The following LRRC51 variants were observed in gnomAD, a reference collection of about 807,000 sequenced individuals.
LRRC51 encodes leucine-rich repeat-containing protein 51.
Under a neutral mutation model 17.8 loss-of-function variants are expected in LRRC51, and 8 were observed. That is an observed-to-expected ratio of 0.45 (90% CI 0.26 to 0.81). The LOEUF (loss-of-function observed/expected upper bound fraction) is 0.81. LRRC51 is among the 30% of genes least tolerant of loss of function. LRRC51 has a pLI of 0.17. For missense variants in LRRC51, 233 were observed against 239.3 expected (o/e 0.97, Z 0.17); for synonymous variants, 92 against 96.0 (o/e 0.96, Z 0.24).
chr11:72,094,902 G>A, intron 4 of LRRC51, 46 bp from the exon 5 acceptor site: 4 of 1,614,140 alleles, frequency 2.5e-6, no homozygotes, highest in Non-Finnish European at 3.4e-6. Context: ...CAGAGATTCA[G>A]GGTCCTGTCC....
At chr11:72,085,497 T>C (rs1308444491) in intron 1 of LRRC51, 2 of 151,832 alleles carry the variant, frequency 1.3e-5, no homozygotes, top group Admixed American at 1.3e-4. Flanking sequence ...ACAAAGTTGG[T>C]TATAATGAAA....
chr11:72,083,829 G>A (rs959378791), intron 1 of LRRC51: 2 of 152,208 alleles, frequency 1.3e-5, no homozygotes, highest in African/African-American at 4.8e-5. Flanking sequence ...AGGCCCAGTG[G>A]CAGGTGCAGG....
At chr11:72,092,295 C>A (rs1944905433) in intron 3 of LRRC51, among the ~76,000 whole-genome samples, 1 of 152,224 alleles carries the variant, frequency 6.6e-6, no homozygotes, top group Admixed American at 6.5e-5. Flanking sequence ...AAAGCTAAGC[C>A]TGAACTCATC....
intron 3 of LRRC51, 55 bp downstream of exon 3, chr11:72,089,220 C>A (rs768388821): frequency 5.0e-6 from 8 of 1,612,498 alleles, no homozygotes; most frequent in South Asian, 1.1e-5. Context: ...CCAGTGTGGT[C>A]CCTAGGAAGA....
At chr11:72,088,108 A>C (rs1229576025) in intron 1 of LRRC51, among the ~76,000 whole-genome samples, 189 bp from the exon 2 acceptor site, 2 of 152,158 alleles carry the variant, frequency 1.3e-5, no homozygotes, top group Non-Finnish European at 2.9e-5. Flanking sequence ...TGTGTGATTC[A>C]CATACAAACC....
intron 4 of LRRC51, 108 bp downstream of exon 4, chr11:72,093,809 G>A (rs994731720): frequency 9.2e-7 from 1 of 1,089,852 alleles, no homozygotes; most frequent in African/African-American, 1.5e-5. Context: ...AGGCAGCATG[G>A]TACAGTCCAA....
intron 1 of LRRC51, chr11:72,085,575 T>C (rs1944484819): frequency 6.6e-6 from 1 of 152,168 alleles, no homozygotes; most frequent in African/African-American, 2.4e-5. Context: ...GTTCTCAAGG[T>C]AGGGTTTGTC....
At position 72,088,687 on chromosome 11, in the gene LRRC51, G is replaced by A. The variant is rs1390006870; in HGVS notation, c.-56+307G>A. The A allele has an allele frequency of 2.8e-5, 15 of 527,168 alleles. 1 individual carries two copies. The Admixed American group carries it at 4.9e-4, about 17-fold the overall frequency. The allele number at this position is 527,168 out of a possible 1,614,324, so 32.7% of individuals were successfully genotyped here. ...GTAGAGTAACAGAAAAGGTCTCAGA[G>A]TAGGATTCAGGAGATTATGACTGCA... On this transcript the variant is annotated intron_variant, in intron 2 of 5. Coordinates refer to ENST00000289488, the MANE Select transcript of LRRC51 (RefSeq NM_145309.6).
chr11:72,087,284 A>G (rs1944587411), intron 1 of LRRC51, among the ~76,000 whole-genome samples: 1 of 113,332 alleles, frequency 8.8e-6, no homozygotes, highest in Non-Finnish European at 1.7e-5. Context: ...TTTAACAGAA[A>G]TTCTTTTTTT....
intron 4 of LRRC51, chr11:72,094,490 T>G (rs1945055403): frequency 1.7e-6 from 1 of 580,868 alleles, no homozygotes; most frequent in African/African-American, 1.9e-5. Context: ...CCTTTTCTAG[T>G]CCAAGATCCC....
At chr11:72,085,821 A>G (rs1036139168) in intron 1 of LRRC51, 5 of 152,372 alleles carry the variant, frequency 3.3e-5, no homozygotes, top group African/African-American at 1.2e-4. Context: ...CCTGATCTTG[A>G]CTGGGGGTAG....
chr11:72,085,666 C>T (rs1009426503), intron 1 of LRRC51: 8 of 152,102 alleles, frequency 5.3e-5, no homozygotes, highest in African/African-American at 1.9e-4. Flanking sequence ...TAGCTATTGC[C>T]GTGTAATAAA....
At chr11:72,086,219 G>C (rs1402126247) in intron 1 of LRRC51, 1 of 589,820 alleles carries the variant, frequency 1.7e-6, no homozygotes, top group Non-Finnish European at 3.0e-6. Flanking sequence ...AAACATGAGA[G>C]AGTATTCACT....
In LRRC51 at chr11:72,096,400, GCCT is replaced by G. The variant is rs1565323251; in HGVS notation, c.*881_*883del. Reference sequence around the variant, plus strand: ...TTAGAAGCGTGAGCCACCACGCCCAGCCTTTTTTTGTATTTTTAGTAGAGATGG... The same window carrying G: ...TTAGAAGCGTGAGCCACCACGCCCAGTTTTTTGTATTTTTAGTAGAGATGG... On this transcript the variant is annotated 3_prime_UTR_variant, in exon 6 of 6. Transcript: ENST00000289488. 1 of 432,468 alleles carries G rather than the reference GCCT, an allele frequency of 2.3e-6. No homozygotes were observed. The highest frequency in any genetic ancestry group is 3.2e-6 in the Non-Finnish European group (1 of 315,176). 26.8% of individuals were successfully genotyped at this position (432,468 alleles called of 1,614,324 possible).
intron 1 of LRRC51, chr11:72,086,367 A>C (rs888969880): frequency 3.3e-5 from 23 of 701,340 alleles, no homozygotes; most frequent in Non-Finnish European, 4.9e-5. Flanking sequence ...GGCACAGAGC[A>C]GCAAGCACTC....
intron 4 of LRRC51, chr11:72,094,686 TGAGA>T: frequency 5.5e-6 from 4 of 722,658 alleles, no homozygotes; most frequent in Non-Finnish European, 9.9e-6. Flanking sequence ...CAACTAAGGC[TGAGA>T]GAGGCAAGTC....
rs1347067930 is a variant in LRRC51 at position 72,088,041 on chromosome 11, A to C, written c.-139-256A>C. Among the ~76,000 whole-genome samples the C allele has an allele frequency of 3.3e-5, 5 of 152,206 alleles. No individual in the cohort carries two copies. The East Asian group carries it at 9.6e-4, about 29-fold the overall frequency. ...GTGGCAGCAGTGGATGGAATGAGAA[A>C]GGGGAGGTCGACTGGGGCAAGTTCT... On this transcript the variant is annotated intron_variant, in intron 1 of 5. Coordinates refer to ENST00000289488, the MANE Select transcript of LRRC51 (RefSeq NM_145309.6).
At chr11:72,085,425 A>T (rs113832483) in intron 1 of LRRC51, 1 of 150,930 alleles carries the variant, frequency 6.6e-6, no homozygotes, top group African/African-American at 2.5e-5. Flanking sequence ...AATGCAGGGT[A>T]ATGATGAGAA....
Position 72,093,570 on chromosome 11 carries a change from T to A in LRRC51, c.157T>A (p.Ser53Thr). Reference protein sequence around the residue: ...RSKSGKSLTQSLWLNNNVLND... With the variant: ...RSKSGKSLTQTLWLNNNVLND... ...AAAGTCGGGGAAATCACTGACCCAG[T>A]CCCTGTGGCTGAATAACAATGTTCT... The change falls in exon 4 of 6, where the codon TCC becomes ACC. Residue 53 changes from serine to threonine, a missense_variant. Physicochemically the swap from Ser to Thr is moderately conservative, Grantham distance 58. Coordinates refer to ENST00000289488, the MANE Select transcript of LRRC51 (RefSeq NM_145309.6). 1.2e-6 allele frequency: 2 copies of A among 1,614,204 alleles called. No homozygotes were observed. Among genetic ancestry groups the A allele is most frequent in the Non-Finnish European group, 8.5e-7 (1 of 1,180,040 alleles).
Sources: allele counts gnomAD v4.1 joint callset (sites outside exome capture counted in the v4.1 genomes callset), GRCh38; gene constraint gnomAD v4.1.1; transcripts MANE v1.5; gene names NCBI Gene and HGNC (gene_info 2026-07-23, HGNC 2026-07-21).